NEB: variants seen among roughly 807,000 people sequenced by gnomAD.
NEB encodes the protein nemaline myopathy type 2.
NEB carries 512 observed loss-of-function variants against 952.2 expected under a neutral mutation model. That is an observed-to-expected ratio of 0.54 (90% CI 0.50 to 0.58). NEB has a LOEUF of 0.58. Among genes scored for constraint, NEB ranks in the 20% least tolerant of loss-of-function variants. The pLI, the probability that NEB is intolerant of heterozygous loss-of-function variation, is 0.00. For synonymous variants in NEB, 2,900 were observed against 3,149.8 expected (o/e 0.92, Z 2.66); for missense variants, 8,428 against 9,231.1 (o/e 0.91, Z 3.56).
intron 13 of NEB, among the ~76,000 whole-genome samples, chr2:151,701,431 G>C (rs2099667728): frequency 6.7e-6 from 1 of 148,748 alleles, no homozygotes; most frequent in Non-Finnish European, 1.5e-5. Context: ...AATAGTTTCA[G>C]AAGGAATGGT....
intron 24 of NEB, 59 bp downstream of exon 24, chr2:151,690,668 C>G (rs752016512): frequency 8.2e-7 from 1 of 1,220,512 alleles, no homozygotes; most frequent in Non-Finnish European, 1.2e-6. Context: ...TAAATGCTTA[C>G]ATTTTAAATG....
At chr2:151,559,506 G>T (rs2095879872) in intron 124 of NEB, among the ~76,000 whole-genome samples, 1 of 152,164 alleles carries the variant, frequency 6.6e-6, no homozygotes, top group Non-Finnish European at 1.5e-5. Flanking sequence ...GTTTATTGCA[G>T]CACTCTTCAC....
chr2:151,561,393 G>A, intron 121 of NEB, 81 bp from the exon 122 acceptor site: 2 of 938,106 alleles, frequency 2.1e-6, no homozygotes, highest in East Asian at 2.6e-5. Flanking sequence ...CAACTTACAT[G>A]TGCCTTTATT....
At position 151,513,468 on chromosome 2, in the gene NEB, G is replaced by A. The variant is rs150950438; in HGVS notation, c.23241+112C>T. On this transcript the variant is annotated intron_variant, in intron 160 of 181. Transcript: ENST00000397345. ...TTCCTCCAGGCAGATGTTCAAGAATGCCATTGTATGCATGTGACTGTCACC... is the reference window on the plus strand; with the variant it reads ...TTCCTCCAGGCAGATGTTCAAGAATACCATTGTATGCATGTGACTGTCACC... The A allele has an allele frequency of 3.1e-3, 2,316 of 741,684 alleles. 9 individuals carry two copies. Among genetic ancestry groups the A allele is most frequent in the Non-Finnish European group, 4.4e-3 (1,995 of 453,160 alleles). 45.9% of individuals were successfully genotyped at this position (741,684 alleles called of 1,614,324 possible).
intron 130 of NEB, among the ~76,000 whole-genome samples, chr2:151,549,100 C>T (rs948179907): frequency 6.6e-6 from 1 of 152,180 alleles, no homozygotes; most frequent in Non-Finnish European, 1.5e-5. Context: ...GAGTAAGCTA[C>T]AGGTAGTAAG....
In NEB at chr2:151,492,428, CG is replaced by C; in HGVS notation, c.24831del (p.Glu8278ArgfsTer2). 6.2e-7 allele frequency: 1 copy of C among 1,612,048 alleles called. No homozygotes were observed. The highest frequency in any genetic ancestry group is 8.5e-7 in the Non-Finnish European group (1 of 1,179,032). Reference sequence around the variant, plus strand: ...TGGGTCTCCCTCACCCGTCTCATCTCGGGGGTATCCAATACATAGGCAGCTT... The same window carrying C: ...TGGGTCTCCCTCACCCGTCTCATCTCGGGGTATCCAATACATAGGCAGCTT... Reference protein sequence around the residue: ...QGKAAYVLDTPEMRRVRETQR... With the variant: ...QGKAAYVLDTXEMRRVRETQR... On this transcript the variant is annotated frameshift_variant, in exon 177 of 182. Coordinates refer to ENST00000397345, the MANE Select transcript of NEB (RefSeq NM_001164508.2). LOFTEE classifies it high-confidence loss of function.
intron 153 of NEB, among the ~76,000 whole-genome samples, chr2:151,522,492 A>C (rs190127469): frequency 6.6e-6 from 1 of 152,360 alleles, no homozygotes; most frequent in East Asian, 1.9e-4. Flanking sequence ...TTAGGAGTCC[A>C]TCTCTGAGTC....
At chr2:151,543,023 T>C (rs536781506) in intron 135 of NEB, among the ~76,000 whole-genome samples, 1 of 152,318 alleles carries the variant, frequency 6.6e-6, no homozygotes, top group South Asian at 2.1e-4. Context: ...CTTCTCCCTT[T>C]TATTTGCCTG....
At chr2:151,578,932 A>G (rs1203652559) in intron 105 of NEB, among the ~76,000 whole-genome samples, 8 of 150,298 alleles carry the variant, frequency 5.3e-5, no homozygotes, top group African/African-American at 2.0e-4. Context: ...AAATACAAAA[A>G]TCAGCTGGGT....
intron 46 of NEB, among the ~76,000 whole-genome samples, chr2:151,661,473 T>C (rs2099148955): frequency 6.6e-6 from 1 of 152,224 alleles, no homozygotes. Flanking sequence ...TCTTTTTCTC[T>C]GTTATCAAAG....
chr2:151,490,137 G>T, intron 180 of NEB, 60 bp from the exon 181 acceptor site: 3 of 1,330,610 alleles, frequency 2.3e-6, no homozygotes, highest in South Asian at 1.3e-5. Flanking sequence ...CCTTTAATCT[G>T]TGTTTAGCAG....
chr2:151,643,484 T>G, intron 57 of NEB, 131 bp from the exon 58 acceptor site: 1 of 854,592 alleles, frequency 1.2e-6, no homozygotes, highest in Non-Finnish European at 1.7e-6. Flanking sequence ...ACTTGAATTA[T>G]TAGAAAATTC....
At chr2:151,543,769 G>A (rs1291981695) in intron 135 of NEB, among the ~76,000 whole-genome samples, 1 of 152,184 alleles carries the variant, frequency 6.6e-6, no homozygotes, top group Non-Finnish European at 1.5e-5. Flanking sequence ...CAATAGGTAT[G>A]TACCACTGTG....
intron 9 of NEB, 37 bp from the exon 10 acceptor site, chr2:151,717,557 G>T: frequency 1.4e-6 from 2 of 1,434,502 alleles, no homozygotes; most frequent in Non-Finnish European, 2.0e-6. Flanking sequence ...TTTTAAAAAC[G>T]ATTATGCTTT....
intron 124 of NEB, 134 bp from the exon 125 acceptor site, chr2:151,555,178 C>T (rs1310984336): frequency 4.7e-6 from 3 of 642,270 alleles, no homozygotes; most frequent in Non-Finnish European, 8.3e-6. Context: ...CTTCTCTGAA[C>T]TCATTTCCCC....
chr2:151,620,345 G>GTATATATATATATTTATATATATATATA (rs775274994), intron 72 of NEB, among the ~76,000 whole-genome samples: 1 of 87,934 alleles, frequency 1.1e-5, no homozygotes, highest in Non-Finnish European at 2.2e-5. Context: ...ATGTATGTGT[G>GTATATATATATATTTATATATATATATA]TGTATATATA....
At chr2:151,647,051 ATGTC>A (rs1267931139) in intron 54 of NEB, among the ~76,000 whole-genome samples, 2 of 151,658 alleles carry the variant, frequency 1.3e-5, no homozygotes, top group Non-Finnish European at 2.9e-5. Flanking sequence ...AGCCATCCTT[ATGTC>A]TCTTCAACAG....
chr2:151,679,056 G>A (rs1055926289), intron 32 of NEB, among the ~76,000 whole-genome samples: 17 of 152,150 alleles, frequency 1.1e-4, no homozygotes, highest in African/African-American at 4.1e-4. Flanking sequence ...GGGCGCAGAT[G>A]AGCTCAAGCC....
chr2:151,691,482 T>G (rs2099550353), intron 23 of NEB, among the ~76,000 whole-genome samples: 1 of 152,178 alleles, frequency 6.6e-6, no homozygotes, highest in Admixed American at 6.5e-5. Context: ...TCTCCTCCAC[T>G]CCAGTGGGAG....
Sources: gnomAD v4.1 joint callset for allele counts (sites outside exome capture counted in the v4.1 genomes callset) on GRCh38, gnomAD v4.1.1 for gene constraint, MANE v1.5 for transcripts, NCBI Gene and HGNC (gene_info 2026-07-23, HGNC 2026-07-21) for gene names.